The following RASEF variants were observed in gnomAD, a reference collection of about 807,000 sequenced individuals.
The protein encoded by RASEF is ras and EF-hand domain-containing protein.
A neutral mutation model predicts 90.1 loss-of-function variants in RASEF; 68 were observed. The ratio of observed to expected loss-of-function variants is 0.75; its 90% confidence interval spans 0.62 to 0.92. RASEF has a LOEUF of 0.92. Ranked by LOEUF, RASEF falls within the 40% of genes least tolerant of loss-of-function variation. The pLI, the probability that RASEF is intolerant of heterozygous loss-of-function variation, is 0.00. For synonymous variants in RASEF, 331 were observed against 345.2 expected, an observed-to-expected ratio of 0.96 and a Z score of 0.46; for missense variants, 949 against 937.2, an observed-to-expected ratio of 1.01 and a Z score of -0.16.
chr9:83,025,673 C>T (rs1313573227), intron 2 of RASEF, 102 bp downstream of exon 2: 15 of 1,196,198 alleles, frequency 1.3e-5, no homozygotes, highest in South Asian at 4.6e-5. Context: ...AGGAAGTCCA[C>T]CTATATCATA....
chr9:82,986,806 A>G (rs1828718545), intron 16 of RASEF, among the ~76,000 whole-genome samples: 1 of 152,198 alleles, frequency 6.6e-6, no homozygotes, highest in African/African-American at 2.4e-5. Flanking sequence ...TTGAACTTGA[A>G]TCTACTGCAA....
chr9:83,085,649 G>A, the RASEF span, among the ~76,000 whole-genome samples: 1 of 151,958 alleles, frequency 6.6e-6, no homozygotes, highest in South Asian at 2.1e-4. Context: ...TATATGGCCG[G>A]GCGCAGTGGC....
intron 1 of RASEF, chr9:83,055,375 G>A (rs1411948559): frequency 4.1e-6 from 2 of 482,092 alleles, no homozygotes; most frequent in East Asian, 7.8e-5. Flanking sequence ...CGCTTCCCAG[G>A]TGAGGCAATG....
At chr9:83,053,456 T>C (rs1388313404) in intron 1 of RASEF, among the ~76,000 whole-genome samples, 1 of 130,740 alleles carries the variant, frequency 7.6e-6, no homozygotes, top group African/African-American at 3.6e-5. Flanking sequence ...GTGAGATGGG[T>C]TTCCTGAATA....
At chr9:83,081,143 G>A in the RASEF span, among the ~76,000 whole-genome samples, 1 of 152,222 alleles carries the variant, frequency 6.6e-6, no homozygotes, top group East Asian at 1.9e-4. Flanking sequence ...GGCACAGAGA[G>A]GCTTGATTAA....
chr9:83,025,863 G>A lies in RASEF; in HGVS notation c.490C>T (p.Gln164Ter). 3 of 1,613,766 alleles carry A rather than the reference G, an allele frequency of 1.9e-6. No individual in the cohort carries two copies. The highest frequency in any genetic ancestry group is 1.1e-5 in the South Asian group (1 of 91,038). Residue 164 changes from glutamine to a stop codon, truncating the protein, a stop_gained, in exon 2 of 17, where the codon CAG (glutamine) becomes TAG (stop). Coordinates refer to ENST00000376447, the MANE Select transcript of RASEF (RefSeq NM_152573.4). LOFTEE classifies it high-confidence loss of function. ...TTCTTTATAACATGTTCATATGGCT[G>A]AATTAATCTTGGCTCCACAAGGTTG... is the stretch of plus-strand genomic sequence containing the variant. ...NINLVEPRLIQPYEHVIKNFI... is the reference protein window; with the variant it reads ...NINLVEPRLI
chr9:83,158,656 A>ATACATATATGTATATATTTATG, the RASEF span, among the ~76,000 whole-genome samples: 8 of 145,872 alleles, frequency 5.5e-5, no homozygotes, highest in East Asian at 1.6e-3. Flanking sequence ...GTCCAAATAT[A>ATACATATATGTATATATTTATG]TACATATATG....
At chr9:83,037,563 TAC>T (rs1829765801) in intron 1 of RASEF, among the ~76,000 whole-genome samples, 1 of 152,144 alleles carries the variant, frequency 6.6e-6, no homozygotes, top group Non-Finnish European at 1.5e-5. Flanking sequence ...TGAATCCAAA[TAC>T]ACTTTAATAT....
Position 83,062,569 on chromosome 9 carries a change from T to A in RASEF, c.299A>T (p.His100Leu), listed in dbSNP as rs1373020560. ...GTCGCCTTCGTCCTCCTCGCTGTCG[T>A]GTGTCTCCGGCCCCGCCTCAGACAC... ...PAVSEAGPET[H>L]DSEEDEGDED... is the part of the protein sequence containing the mutation. Residue 100 changes from histidine to leucine, a missense_variant, in exon 1 of 17, where the codon CAC becomes CTC. Physicochemically the swap from His to Leu is moderately conservative, Grantham distance 99. Coordinates refer to ENST00000376447, the MANE Select transcript of RASEF (RefSeq NM_152573.4). The A allele has an allele frequency of 6.3e-7, 1 of 1,591,010 alleles. No individual in the cohort carries two copies. Among genetic ancestry groups the A allele is most frequent in the South Asian group, 1.1e-5 (1 of 89,438 alleles).
At chr9:83,048,370 C>G in intron 1 of RASEF, 1 of 985,382 alleles carries the variant, frequency 1.0e-6, no homozygotes, top group Non-Finnish European at 1.2e-6. Flanking sequence ...CCACTGAGAT[C>G]TGGACCCAGG....
At chr9:83,141,515 A>G in the RASEF span, among the ~76,000 whole-genome samples, 1 of 152,202 alleles carries the variant, frequency 6.6e-6, no homozygotes, top group East Asian at 1.9e-4. Context: ...TCCCGAAAAC[A>G]GCTGTAAACA....
chr9:83,156,830 C>T, the RASEF span, among the ~76,000 whole-genome samples: 1 of 152,220 alleles, frequency 6.6e-6, no homozygotes, highest in African/African-American at 2.4e-5. Context: ...TTAGTGAGAC[C>T]TCCACTTTGT....
At chr9:83,070,256 T>G in the RASEF span, among the ~76,000 whole-genome samples, 1 of 152,272 alleles carries the variant, frequency 6.6e-6, no homozygotes, top group South Asian at 2.1e-4. Flanking sequence ...ATATTATAGT[T>G]TTATTTACCA....
At chr9:83,046,046 A>G (rs1348859482) in intron 1 of RASEF, among the ~76,000 whole-genome samples, 3 of 151,866 alleles carry the variant, frequency 2.0e-5, no homozygotes, top group African/African-American at 4.8e-5. Context: ...AAAACCCTGC[A>G]AAATCCTATA....
chr9:83,098,388 C>T, the RASEF span, among the ~76,000 whole-genome samples: 1 of 152,066 alleles, frequency 6.6e-6, no homozygotes. Flanking sequence ...TCAAATCTAA[C>T]CTATGATTAA....
At chr9:82,999,997 ACACACACACACACAC>A in intron 12 of RASEF, among the ~76,000 whole-genome samples, 157 bp downstream of exon 12, 1 of 34,548 alleles carries the variant, frequency 2.9e-5, no homozygotes, top group Admixed American at 2.4e-4. Flanking sequence ...ACACACACAC[ACACACACACACACAC>A]ACACACACAC....
the RASEF span, among the ~76,000 whole-genome samples, chr9:83,161,346 G>A: frequency 1.2e-4 from 19 of 152,344 alleles, no homozygotes; most frequent in Admixed American, 1.0e-3. Flanking sequence ...CTGGATGTGA[G>A]ACATGGAATC....
the RASEF span, among the ~76,000 whole-genome samples, chr9:83,158,682 A>C: frequency 1.5e-4 from 22 of 147,128 alleles, no homozygotes; most frequent in South Asian, 4.3e-3. Context: ...ATTTATGTAC[A>C]TATACATATA....
chr9:83,202,122 C>CA, the RASEF span: 85,418 of 149,114 alleles, frequency 0.57, 25,205 homozygotes, highest in East Asian at 0.8. Flanking sequence ...ACTTCCTGTC[C>CA]AAAAAAAAAA....
Sources: gnomAD v4.1 joint callset for allele counts (sites outside exome capture counted in the v4.1 genomes callset) on GRCh38, gnomAD v4.1.1 for gene constraint, MANE v1.5 for transcripts, NCBI Gene and HGNC (gene_info 2026-07-23, HGNC 2026-07-21) for gene names.